Variants in SNTG1 observed in about 807,000 individuals in gnomAD.
SNTG1 encodes the protein syntrophin gamma 1, also known as gamma-1-syntrophin.
In SNTG1, 39 loss-of-function variants were observed where a neutral mutation model predicts 74.7. That is an observed-to-expected ratio of 0.52 (90% CI 0.40 to 0.68). The LOEUF is 0.68. Ranked by LOEUF, SNTG1 falls within the 30% of genes least tolerant of loss-of-function variation. The pLI is 0.00. For synonymous variants in SNTG1, 254 were observed against 217.1 expected, an observed-to-expected ratio of 1.17 and a Z score of -1.49; for missense variants, 685 against 609.5, an observed-to-expected ratio of 1.12 and a Z score of -1.30.
chr8:50,193,585 T>C (rs2083657116), intron 2 of SNTG1, among the ~76,000 whole-genome samples: 1 of 151,934 alleles, frequency 6.6e-6, no homozygotes, highest in Non-Finnish European at 1.5e-5. Flanking sequence ...GTCCTTAGGG[T>C]TTTCAAGGTA....
At chr8:50,117,455 T>C (rs1217265598) in intron 1 of SNTG1, among the ~76,000 whole-genome samples, 1 of 152,178 alleles carries the variant, frequency 6.6e-6, no homozygotes, top group East Asian at 1.9e-4. Context: ...AATATGTTTT[T>C]CTTTTTCTTA....
At chr8:50,471,464 A>G (rs1461930649) in intron 8 of SNTG1, among the ~76,000 whole-genome samples, 2 of 152,216 alleles carry the variant, frequency 1.3e-5, no homozygotes, top group Admixed American at 6.5e-5. Flanking sequence ...AATCAAGCAT[A>G]TCAAATGCTG....
At chr8:50,343,562 G>A (rs1358780259) in intron 2 of SNTG1, among the ~76,000 whole-genome samples, 1 of 152,134 alleles carries the variant, frequency 6.6e-6, no homozygotes, top group Non-Finnish European at 1.5e-5. Flanking sequence ...TATTAATGAT[G>A]TATTGGATTT....
At chr8:50,451,779 TA>T (rs2093460265) in intron 8 of SNTG1, among the ~76,000 whole-genome samples, 1 of 151,916 alleles carries the variant, frequency 6.6e-6, no homozygotes, top group African/African-American at 2.4e-5. Flanking sequence ...GAAATGACAT[TA>T]AAAAAATACA....
chr8:50,330,596 A>T (rs2090924896), intron 2 of SNTG1, among the ~76,000 whole-genome samples: 1 of 152,178 alleles, frequency 6.6e-6, no homozygotes, highest in Non-Finnish European at 1.5e-5. Flanking sequence ...CCACTATCCC[A>T]GTACCAATTT....
At chr8:50,710,391 G>A (rs1370570705) in intron 17 of SNTG1, among the ~76,000 whole-genome samples, 2 of 151,776 alleles carry the variant, frequency 1.3e-5, no homozygotes, top group Non-Finnish European at 2.9e-5. Flanking sequence ...AAATTAATTT[G>A]ATAAATTAAT....
intron 13 of SNTG1, among the ~76,000 whole-genome samples, chr8:50,610,194 T>C (rs1257983911): frequency 6.6e-6 from 1 of 152,216 alleles, no homozygotes; most frequent in Non-Finnish European, 1.5e-5. Flanking sequence ...GATGTCTATG[T>C]ATTTTAATTC....
In SNTG1 at chr8:50,568,001, T is replaced by C. The variant is rs975168797; in HGVS notation, c.810+14822T>C. On this transcript the variant is annotated intron_variant, in intron 12 of 18. Coordinates refer to ENST00000642720, the MANE Select transcript of SNTG1 (RefSeq NM_018967.5). ...GGTCAACCTCTCCCAATTCTCCCCT[T>C]CTCTTTCCCTTCCCCAGGTTCTGGT... Among the ~76,000 whole-genome samples, 5 of 152,066 alleles carry C rather than the reference T, an allele frequency of 3.3e-5. No homozygotes were observed. The East Asian group carries it at 9.7e-4, about 29-fold the overall frequency.
intron 1 of SNTG1, among the ~76,000 whole-genome samples, chr8:50,081,825 G>A (rs571435848): frequency 2.6e-5 from 4 of 152,072 alleles, no homozygotes; most frequent in Admixed American, 6.6e-5. Context: ...TAGAGAGGAG[G>A]TTTCACCATG....
At chr8:50,718,701 A>G (rs536332725) in intron 17 of SNTG1, among the ~76,000 whole-genome samples, 101 of 152,348 alleles carry the variant, frequency 6.6e-4, no homozygotes, top group Non-Finnish European at 1.0e-3. Context: ...TGAGGCCACT[A>G]TCAAGTGGGA....
chr8:50,505,680 C>T (rs548319423), intron 9 of SNTG1, among the ~76,000 whole-genome samples: 5 of 152,226 alleles, frequency 3.3e-5, no homozygotes, highest in African/African-American at 1.2e-4. Context: ...TTCAAGTCTA[C>T]TATCCAGTTT....
At chr8:50,510,425 C>T (rs2094058607) in intron 9 of SNTG1, among the ~76,000 whole-genome samples, 1 of 152,098 alleles carries the variant, frequency 6.6e-6, no homozygotes, top group Non-Finnish European at 1.5e-5. Flanking sequence ...TGATGCTGGC[C>T]TCATAAAATG....
At chr8:50,371,910 G>A (rs1213755487) in intron 2 of SNTG1, among the ~76,000 whole-genome samples, 1 of 151,824 alleles carries the variant, frequency 6.6e-6, no homozygotes, top group African/African-American at 2.4e-5. Context: ...TTTACTGTCA[G>A]GCTTATATCA....
At chr8:50,532,301 C>A (rs1289466587) in intron 10 of SNTG1, among the ~76,000 whole-genome samples, 8 of 152,150 alleles carry the variant, frequency 5.3e-5, no homozygotes, top group African/African-American at 1.2e-4. Context: ...CAATTAAATG[C>A]ATTTTTGTTG....
At chr8:50,753,664 G>C (rs140536249) in intron 18 of SNTG1, among the ~76,000 whole-genome samples, 1 of 151,902 alleles carries the variant, frequency 6.6e-6, no homozygotes, top group East Asian at 1.9e-4. Context: ...CAGCTACTAA[G>C]CATTATTCAT....
intron 8 of SNTG1, chr8:50,491,391 A>C (rs1321168419): frequency 6.6e-6 from 1 of 152,306 alleles, no homozygotes; most frequent in Admixed American, 6.5e-5. Context: ...GACAAACACA[A>C]ATGCGTTTTT....
intron 4 of SNTG1, among the ~76,000 whole-genome samples, chr8:50,404,265 G>A (rs1378253304): frequency 6.6e-6 from 1 of 151,920 alleles, no homozygotes. Flanking sequence ...CTATGTTGAA[G>A]GAAATTAAAA....
intron 1 of SNTG1, among the ~76,000 whole-genome samples, chr8:50,141,412 C>T (rs1162345117): frequency 1.3e-5 from 2 of 151,962 alleles, no homozygotes; most frequent in Non-Finnish European, 2.9e-5. Flanking sequence ...GCAATTGTTC[C>T]ACATCTTGGG....
At chr8:50,243,562 AC>A (rs989375507) in intron 2 of SNTG1, among the ~76,000 whole-genome samples, 8 of 152,160 alleles carry the variant, frequency 5.3e-5, no homozygotes, top group Non-Finnish European at 8.8e-5. Context: ...CCACTGATTA[AC>A]CATTTTTAAA....
Sources: gnomAD v4.1 joint callset for allele counts (sites outside exome capture counted in the v4.1 genomes callset) on GRCh38, gnomAD v4.1.1 for gene constraint, MANE v1.5 for transcripts, NCBI Gene and HGNC (gene_info 2026-07-23, HGNC 2026-07-21) for gene names.